PTGFRN: variants seen among roughly 807,000 people sequenced by gnomAD.
The protein encoded by PTGFRN is prostaglandin F2 receptor inhibitor.
In PTGFRN, 35 loss-of-function variants were observed where a neutral mutation model predicts 83.2. The ratio of observed to expected loss-of-function variants is 0.42; its 90% CI spans 0.32 to 0.56. The LOEUF (loss-of-function observed/expected upper bound fraction) is 0.56. Among genes scored for constraint, PTGFRN ranks in the 20% least tolerant of loss-of-function variants. The probability of loss-of-function intolerance (pLI) is 0.11; values close to 1 mark genes in which losing one functional copy is unlikely to be tolerated. For synonymous variants in PTGFRN, 519 were observed against 498.6 expected (o/e 1.04, Z -0.55); for missense variants, 1,051 against 1,179.5 (o/e 0.89, Z 1.60).
chr1:116,949,441 G>A lies in PTGFRN; in HGVS notation c.1082G>A (p.Arg361Gln), dbSNP rs746038245. Residue 361 changes from arginine to glutamine, a missense_variant, in exon 4 of 9, where the codon CGG becomes CAG. This residue lies in a region of PTGFRN where 719 missense variants were observed against 836.6 expected (regional missense o/e 0.86). Coordinates refer to ENST00000393203, the MANE Select transcript of PTGFRN (RefSeq NM_020440.4). ...GCACGCTCCTACCATTTACTGGTTC[G>A]GGATGTTAGCAAAGAAAACTCTGGC... ...VDARSYHLLV[R>Q]DVSKENSGYY... is the part of the protein sequence containing the mutation. 11 of 1,614,230 alleles carry A rather than the reference G, an allele frequency of 6.8e-6. No homozygotes were observed. Among genetic ancestry groups the A allele is most frequent in the East Asian group, 4.5e-5 (2 of 44,888 alleles).
intron 4 of PTGFRN, among the ~76,000 whole-genome samples, chr1:116,953,680 A>G (rs1277642954): frequency 1.3e-5 from 2 of 151,996 alleles, no homozygotes; most frequent in African/African-American, 2.4e-5. Context: ...AGCCCAGCAT[A>G]GAGGAATTAG....
chr1:116,919,512 C>G (rs746041545), intron 1 of PTGFRN, among the ~76,000 whole-genome samples: 2 of 152,202 alleles, frequency 1.3e-5, no homozygotes, highest in Non-Finnish European at 2.9e-5. Flanking sequence ...ATCCTCCCAC[C>G]TCAGCCTCCC....
intron 4 of PTGFRN, among the ~76,000 whole-genome samples, chr1:116,950,315 A>C (rs1049223607): frequency 6.6e-6 from 1 of 152,140 alleles, no homozygotes; most frequent in Admixed American, 6.5e-5. Flanking sequence ...AATTTTTGTT[A>C]TGTCTTGTAA....
intron 4 of PTGFRN, among the ~76,000 whole-genome samples, chr1:116,954,848 A>G (rs1160215472): frequency 1.3e-5 from 2 of 152,222 alleles, no homozygotes; most frequent in African/African-American, 4.8e-5. Context: ...CAATCTTACA[A>G]GGTTGTTATG....
Position 116,968,374 on chromosome 1 carries a change from A to G in PTGFRN, c.2059+1044A>G, listed in dbSNP as rs1444761148. On this transcript the variant is annotated intron_variant, in intron 6 of 8. Coordinates refer to ENST00000393203, the MANE Select transcript of PTGFRN (RefSeq NM_020440.4). ...CTAATAAAGTTTTTCTATTAATATT[A>G]TTTTCTATTATTATAGCCTTTTATG... Among the ~76,000 whole-genome samples, 4 of 152,006 alleles carry G rather than the reference A, an allele frequency of 2.6e-5. No homozygotes were observed. In the East Asian group the frequency reaches 7.7e-4, roughly 29 times the overall value.
Position 116,988,961 on chromosome 1 carries a change from G to C in PTGFRN, c.*1994G>C, listed in dbSNP as rs1304270857. ...ACTGCTATTTCAGAAGAGGCAGCTTGTAGGTGATTGTACAAGTGAGAATTA... is the reference window on the plus strand; with the variant it reads ...ACTGCTATTTCAGAAGAGGCAGCTTCTAGGTGATTGTACAAGTGAGAATTA... On this transcript the variant is annotated 3_prime_UTR_variant, in exon 9 of 9. Coordinates refer to ENST00000393203, the MANE Select transcript of PTGFRN (RefSeq NM_020440.4). 1.3e-5 allele frequency: 2 copies of C among 152,268 alleles called. No homozygotes were observed. Among genetic ancestry groups the C allele is most frequent in the Non-Finnish European group, 2.9e-5 (2 of 68,052 alleles). The allele number at this position is 152,268 out of a possible 1,614,324, so 9.4% of individuals were successfully genotyped here.
At chr1:116,938,354 T>C (rs1649975312) in intron 1 of PTGFRN, among the ~76,000 whole-genome samples, 1 of 152,168 alleles carries the variant, frequency 6.6e-6, no homozygotes, top group African/African-American at 2.4e-5. Flanking sequence ...GAGGTTTAAT[T>C]GGACTTACTG....
Position 116,961,601 on chromosome 1 carries a change from GAAC to G in PTGFRN, c.1577_1579del (p.Asn526del). 6.2e-7 allele frequency: 1 copy of G among 1,614,158 alleles called. No individual in the cohort carries two copies. The highest frequency in any genetic ancestry group is 8.5e-7 in the Non-Finnish European group (1 of 1,180,012). Reference sequence around the variant, plus strand: ...TTGTGTCTGCCTGGACCAAACAGCGGAACAACAGCTGGGTGAAAAGCAAGGATG... The same window carrying G: ...TTGTGTCTGCCTGGACCAAACAGCGGAACAGCTGGGTGAAAAGCAAGGATG... On this transcript the variant is annotated inframe_deletion, in exon 5 of 9. Transcript: ENST00000393203. This position sits in a 1 kb window ranked among gnomAD's most constrained non-coding sequence, Gnocchi z 5.4.
intron 5 of PTGFRN, among the ~76,000 whole-genome samples, chr1:116,963,468 C>G (rs1205990491): frequency 1.3e-5 from 2 of 152,226 alleles, no homozygotes; most frequent in Non-Finnish European, 2.9e-5. Context: ...TAGACCATGG[C>G]TGCTCTCTCT....
At chr1:116,936,296 A>G (rs1200369589) in intron 1 of PTGFRN, among the ~76,000 whole-genome samples, 2 of 152,236 alleles carry the variant, frequency 1.3e-5, no homozygotes, top group South Asian at 4.1e-4. Flanking sequence ...TGGCAATTTG[A>G]AATTCTGTTA....
chr1:116,909,995 G>A lies in PTGFRN; in HGVS notation c.-209G>A, dbSNP rs1381456273. On this transcript the variant is annotated 5_prime_UTR_variant, in exon 1 of 9. Coordinates refer to ENST00000393203, the MANE Select transcript of PTGFRN (RefSeq NM_020440.4). ...CTCCCGGGCCCGGCCGGCTGGAGGA[G>A]GGAGGGAAGGAGGCGGGAGGGAGCG... 1.4e-5 allele frequency: 9 copies of A among 625,618 alleles called. No individual in the cohort carries two copies. Among genetic ancestry groups the A allele is most frequent in the Middle Eastern group, 4.0e-4 (1 of 2,492 alleles). 38.8% of individuals were successfully genotyped at this position (625,618 alleles called of 1,614,324 possible).
chr1:116,920,325 G>A (rs1649507062), intron 1 of PTGFRN, among the ~76,000 whole-genome samples: 1 of 152,192 alleles, frequency 6.6e-6, no homozygotes, highest in South Asian at 2.1e-4. Flanking sequence ...AAACTAATAA[G>A]CCATTTCTAG....
chr1:116,912,796 C>T (rs373509395), intron 1 of PTGFRN, among the ~76,000 whole-genome samples: 24 of 152,330 alleles, frequency 1.6e-4, no homozygotes, highest in African/African-American at 4.8e-4. Context: ...TTCCAACTAA[C>T]CTGTTTGCTC....
intron 1 of PTGFRN, among the ~76,000 whole-genome samples, chr1:116,925,068 G>C (rs943371): frequency 0.17 from 25,175 of 152,090 alleles, 4,441 homozygotes; most frequent in African/African-American, 0.44. Context: ...TCTTGATGAT[G>C]AGTAGGTTTT....
chr1:116,955,495 T>A (rs1334780088), intron 4 of PTGFRN, among the ~76,000 whole-genome samples: 2 of 152,140 alleles, frequency 1.3e-5, no homozygotes, highest in African/African-American at 4.8e-5. Context: ...AAACACACAC[T>A]TTTTTCTTCT....
intron 1 of PTGFRN, among the ~76,000 whole-genome samples, chr1:116,940,475 T>C (rs1339419019): frequency 6.6e-6 from 1 of 152,212 alleles, no homozygotes; most frequent in East Asian, 1.9e-4. Flanking sequence ...TCACAACTAA[T>C]TATATCTGTG....
chr1:116,955,171 A>G (rs1048118449), intron 4 of PTGFRN, among the ~76,000 whole-genome samples: 1 of 151,976 alleles, frequency 6.6e-6, no homozygotes, highest in Non-Finnish European at 1.5e-5. Flanking sequence ...GGGGAGGGTC[A>G]CTCTTTTGGA....
rs575539285 is a variant in PTGFRN, at chr1:116,957,222, C to T, written c.1214-4021C>T. Among the ~76,000 whole-genome samples, 184 of 151,026 alleles carry T rather than the reference C, an allele frequency of 1.2e-3. 6 individuals carry two copies. The South Asian group carries it at 0.031, about 26-fold the overall frequency. On this transcript the variant is annotated intron_variant, in intron 4 of 8. Coordinates refer to ENST00000393203, the MANE Select transcript of PTGFRN (RefSeq NM_020440.4). Reference sequence around the variant, plus strand: ...AGGCAGATGTGGAGTGAGGTGAATTCGGTTGTGAGCGTGCTGTAGTAAAGA... The same window carrying T: ...AGGCAGATGTGGAGTGAGGTGAATTTGGTTGTGAGCGTGCTGTAGTAAAGA...
In PTGFRN at chr1:116,941,144, A is replaced by C. The variant is rs1159233775; in HGVS notation, c.50-571A>C. On this transcript the variant is annotated intron_variant, in intron 1 of 8. Coordinates refer to ENST00000393203, the MANE Select transcript of PTGFRN (RefSeq NM_020440.4). This position sits in a 1 kb window ranked among gnomAD's most constrained non-coding sequence, Gnocchi z 5.0. ...GAGAAGGAAATGAGCCAGAAAATAG[A>C]AAATTAATACTTGGTAAAATCATCA... Among the ~76,000 whole-genome samples, 2 of 152,230 alleles carry C rather than the reference A, an allele frequency of 1.3e-5. No homozygotes were observed. Among genetic ancestry groups the C allele is most frequent in the Admixed American group, 1.3e-4 (2 of 15,282 alleles).
Sources: allele counts gnomAD v4.1 joint callset (sites outside exome capture counted in the v4.1 genomes callset), GRCh38; gene constraint gnomAD v4.1.1; regional missense constraint gnomAD v4.1.1; non-coding constraint Gnocchi (gnomAD v3.1); transcripts MANE v1.5; gene names NCBI Gene and HGNC (gene_info 2026-07-23, HGNC 2026-07-21).